The following CYRIA variants were observed in gnomAD, a reference collection of about 807,000 sequenced individuals.
The protein encoded by CYRIA is CYFIP-related Rac1 interactor A.
Under a neutral mutation model 43.9 loss-of-function variants are expected in CYRIA, and 15 were observed. The observed-to-expected ratio is 0.34, with a 90% CI of 0.23 to 0.53. The LOEUF is 0.53. CYRIA is among the 20% of genes least tolerant of loss of function. The pLI, the probability that CYRIA is intolerant of heterozygous loss-of-function variation, is 0.94. For missense variants in CYRIA, 236 were observed against 394.2 expected, an observed-to-expected ratio of 0.60 and a Z score of 3.40; for synonymous variants, 117 against 136.0, an observed-to-expected ratio of 0.86 and a Z score of 0.97.
chr2:16,553,858 A>C (rs1454494091), intron 11 of CYRIA, among the ~76,000 whole-genome samples: 3 of 152,122 alleles, frequency 2.0e-5, no homozygotes, highest in African/African-American at 7.2e-5. Context: ...AAAGCTCAAC[A>C]CACTCAGAAG....
At chr2:16,627,140 T>C (rs1669195274) in intron 1 of CYRIA, among the ~76,000 whole-genome samples, 1 of 152,190 alleles carries the variant, frequency 6.6e-6, no homozygotes, top group Admixed American at 6.5e-5. Context: ...GGGAAGAGCT[T>C]CAAACGGCTG....
chr2:16,600,695 A>G (rs1243589606), intron 2 of CYRIA, among the ~76,000 whole-genome samples: 2 of 152,190 alleles, frequency 1.3e-5, no homozygotes, highest in Non-Finnish European at 2.9e-5. Context: ...TATTACTACT[A>G]TAATTTATGA....
At chr2:16,635,331 C>A (rs1669461638) in intron 1 of CYRIA, among the ~76,000 whole-genome samples, 1 of 152,170 alleles carries the variant, frequency 6.6e-6, no homozygotes, top group African/African-American at 2.4e-5. Context: ...ATACCTTGAA[C>A]ACATCAGCAT....
intron 1 of CYRIA, among the ~76,000 whole-genome samples, chr2:16,659,788 C>A (rs975812859): frequency 6.6e-6 from 1 of 152,222 alleles, no homozygotes; most frequent in Non-Finnish European, 1.5e-5. Flanking sequence ...CAGGAATCAT[C>A]AAACCAAATA....
intron 1 of CYRIA, among the ~76,000 whole-genome samples, chr2:16,655,195 G>GGGC (rs1337885415): frequency 6.6e-6 from 1 of 152,178 alleles, no homozygotes; most frequent in African/African-American, 2.4e-5. Flanking sequence ...ATGGGGAAGA[G>GGGC]GGCTCTTTGC....
chr2:16,572,356 T>C (rs1211837194), intron 3 of CYRIA, among the ~76,000 whole-genome samples: 1 of 152,162 alleles, frequency 6.6e-6, no homozygotes, highest in African/African-American at 2.4e-5. Flanking sequence ...CACGGAATCT[T>C]TGTATTGCCA....
At chr2:16,569,811 C>T (rs1313019124) in intron 3 of CYRIA, among the ~76,000 whole-genome samples, 1 of 152,194 alleles carries the variant, frequency 6.6e-6, no homozygotes, top group Admixed American at 6.5e-5. Flanking sequence ...AAATCTTATC[C>T]ATTAGACTGT....
At chr2:16,564,541 A>G (rs1666860664) in intron 4 of CYRIA, among the ~76,000 whole-genome samples, 2 of 152,062 alleles carry the variant, frequency 1.3e-5, no homozygotes, top group Admixed American at 1.3e-4. Flanking sequence ...TAGAAAAACC[A>G]CCTCTTACTA....
Position 16,644,485 on chromosome 2 carries a change from C to T in CYRIA, c.-166-20466G>A, listed in dbSNP as rs1293586760. Among the ~76,000 whole-genome samples, 4 of 152,194 alleles carry T rather than the reference C, an allele frequency of 2.6e-5. No individual in the cohort carries two copies. In the East Asian group the frequency reaches 7.7e-4, roughly 29 times the overall value. On this transcript the variant is annotated intron_variant, in intron 1 of 11. Coordinates refer to ENST00000381323, the MANE Select transcript of CYRIA (RefSeq NM_030797.4). ...CTCTGGACAGTCCTTGCCATGTCCACCCATGAGCAGGAGCCTATCACACTG... is the reference window on the plus strand; with the variant it reads ...CTCTGGACAGTCCTTGCCATGTCCATCCATGAGCAGGAGCCTATCACACTG...
chr2:16,623,362 G>C (rs1303853902), intron 2 of CYRIA, among the ~76,000 whole-genome samples: 1 of 152,222 alleles, frequency 6.6e-6, no homozygotes, highest in Non-Finnish European at 1.5e-5. Context: ...TGCGTTGGTG[G>C]TCAGGAAAGC....
chr2:16,599,795 T>C (rs190799532), intron 2 of CYRIA, among the ~76,000 whole-genome samples: 82 of 152,306 alleles, frequency 5.4e-4, no homozygotes, highest in African/African-American at 1.9e-3. Context: ...CTCATTCTGT[T>C]GCCCAGGCTG....
chr2:16,634,426 G>A (rs919064118), intron 1 of CYRIA, among the ~76,000 whole-genome samples: 20 of 152,188 alleles, frequency 1.3e-4, no homozygotes, highest in African/African-American at 4.1e-4. Context: ...TCTAGTCCCT[G>A]CCCAAGAGAC....
chr2:16,617,883 T>C (rs1668859765), intron 2 of CYRIA, among the ~76,000 whole-genome samples: 1 of 152,180 alleles, frequency 6.6e-6, no homozygotes, highest in African/African-American at 2.4e-5. Context: ...ATAGTTACGA[T>C]GAAGGGAGGA....
rs370538150 is a variant in CYRIA at position 16,588,038 on chromosome 2, T to G, written c.70+12A>C. The G allele has an allele frequency of 2.7e-5, 42 of 1,565,784 alleles. No homozygotes were observed. The highest frequency in any genetic ancestry group is 1.3e-5 in the Non-Finnish European group (15 of 1,143,174). ...TAAAAAAGTTTCCATTATTATAATTTTTGGAACTTACTTTCAAAATCCAGG... is the reference window on the plus strand; with the variant it reads ...TAAAAAAGTTTCCATTATTATAATTGTTGGAACTTACTTTCAAAATCCAGG... On this transcript the variant is annotated intron_variant, in intron 3 of 11. Coordinates refer to ENST00000381323, the MANE Select transcript of CYRIA (RefSeq NM_030797.4).
At chr2:16,558,112 C>T (rs1326291172) in intron 10 of CYRIA, among the ~76,000 whole-genome samples, 1 of 152,116 alleles carries the variant, frequency 6.6e-6, no homozygotes, top group Non-Finnish European at 1.5e-5. Context: ...AAAGAAGGTA[C>T]ACATGCATGC....
intron 2 of CYRIA, among the ~76,000 whole-genome samples, chr2:16,591,753 G>A (rs896910511): frequency 6.6e-6 from 1 of 152,054 alleles, no homozygotes; most frequent in Non-Finnish European, 1.5e-5. Context: ...GAGGGAATAC[G>A]GCAATCCAGC....
chr2:16,557,368 A>C (rs1212370043), intron 10 of CYRIA, among the ~76,000 whole-genome samples: 2 of 151,948 alleles, frequency 1.3e-5, no homozygotes, highest in Non-Finnish European at 2.9e-5. Flanking sequence ...TCTATTCTGC[A>C]CTCCAAAGCA....
chr2:16,641,843 T>C (rs1245589842), intron 1 of CYRIA, among the ~76,000 whole-genome samples: 1 of 152,240 alleles, frequency 6.6e-6, no homozygotes, highest in African/African-American at 2.4e-5. Context: ...ATCTCCACGA[T>C]GCTGAAGCCA....
intron 2 of CYRIA, among the ~76,000 whole-genome samples, chr2:16,613,480 C>T (rs1022972186): frequency 6.6e-6 from 1 of 150,508 alleles, no homozygotes. Flanking sequence ...GCCCTGCACT[C>T]GATGCTATGC....
Sources: allele counts gnomAD v4.1 joint callset (sites outside exome capture counted in the v4.1 genomes callset), GRCh38; gene constraint gnomAD v4.1.1; transcripts MANE v1.5; gene names NCBI Gene and HGNC (gene_info 2026-07-23, HGNC 2026-07-21).